Variants in TENM1 observed in about 807,000 individuals in gnomAD.
TENM1 encodes the protein teneurin transmembrane protein 1, also known as teneurin-1.
A neutral mutation model predicts 174.8 loss-of-function variants in TENM1; 35 were observed. The observed-to-expected ratio is 0.20, with a 90% CI of 0.15 to 0.27. The LOEUF is 0.27. TENM1 is among the 10% of genes least tolerant of loss of function. The pLI is 1.00. For missense variants in TENM1, 1,633 were observed against 2,130.1 expected (o/e 0.77, Z 4.59); for synonymous variants, 781 against 798.7 (o/e 0.98, Z 0.37).
At chrX:124,582,334 A>G (rs1489854178) in intron 11 of TENM1, among the ~76,000 whole-genome samples, 2 of 111,424 alleles carry the variant, frequency 1.8e-5, no homozygotes, top group African/African-American at 3.3e-5. Context: ...TCCTTGTTCA[A>G]TTGAATCAAT....
At chrX:124,859,006 C>G (rs573865997) in intron 3 of TENM1, among the ~76,000 whole-genome samples, 2 of 111,490 alleles carry the variant, frequency 1.8e-5, no homozygotes, top group South Asian at 7.5e-4. Flanking sequence ...ATTCCTTCCT[C>G]TTCTGAGTCA....
intron 21 of TENM1, among the ~76,000 whole-genome samples, chrX:124,486,745 T>A (rs12006963): frequency 9.0e-6 from 1 of 111,560 alleles, no homozygotes; most frequent in African/African-American, 3.3e-5. Context: ...TGAGGTCACA[T>A]AAAAGAAAAA....
At chrX:124,896,578 T>C (rs909823067) in intron 1 of TENM1, among the ~76,000 whole-genome samples, 2 of 111,687 alleles carry the variant, frequency 1.8e-5, no homozygotes, top group African/African-American at 3.3e-5. Flanking sequence ...AAGATATTTC[T>C]TTTCTAGGAA....
chrX:125,140,607 G>A, the TENM1 span, among the ~76,000 whole-genome samples: 1 of 111,945 alleles, frequency 8.9e-6, no homozygotes, highest in African/African-American at 3.2e-5. Flanking sequence ...GTCTTGAAGT[G>A]TTCCTAACAC....
chrX:124,896,008 G>T, exon 2 of TENM1: 1 of 1,211,187 alleles, frequency 8.3e-7, no homozygotes, highest in Non-Finnish European at 1.1e-6. Flanking sequence ...TTCCTTTCAT[G>T]GTCAGTGTCA....
intron 3 of TENM1, among the ~76,000 whole-genome samples, chrX:124,761,511 G>C (rs2054414443): frequency 1.1e-5 from 1 of 89,607 alleles, no homozygotes; most frequent in African/African-American, 4.2e-5. Flanking sequence ...ATTGGACACA[G>C]AGCGGGGAAC....
intron 3 of TENM1, among the ~76,000 whole-genome samples, chrX:124,880,376 C>T (rs1329736911): frequency 1.8e-5 from 2 of 112,258 alleles, no homozygotes; most frequent in African/African-American, 6.5e-5. Flanking sequence ...CAAACTGATT[C>T]TGTATCCTGC....
intron 22 of TENM1, among the ~76,000 whole-genome samples, chrX:124,463,627 T>C (rs2061204534): frequency 9.0e-6 from 1 of 111,231 alleles, no homozygotes; most frequent in African/African-American, 3.3e-5. Flanking sequence ...GGGGAAATAC[T>C]ACACTATTAA....
chrX:124,511,799 T>C (rs910332768), intron 18 of TENM1, among the ~76,000 whole-genome samples: 12 of 112,121 alleles, frequency 1.1e-4, no homozygotes, highest in African/African-American at 3.2e-4. Flanking sequence ...AGCATCGTTC[T>C]CAGGAATGTT....
intron 3 of TENM1, among the ~76,000 whole-genome samples, chrX:124,893,255 G>A (rs996286152): frequency 8.9e-6 from 1 of 112,283 alleles, no homozygotes; most frequent in Non-Finnish European, 1.9e-5. Flanking sequence ...GGGAAAAGTT[G>A]TTCAAGTTTA....
At chrX:124,395,296 C>G (rs1341747916) in intron 27 of TENM1, among the ~76,000 whole-genome samples, 3 of 111,371 alleles carry the variant, frequency 2.7e-5, no homozygotes, top group Non-Finnish European at 5.6e-5. Context: ...TATAAATTGT[C>G]TGCTCATGAT....
At chrX:125,093,259 C>T in the TENM1 span, among the ~76,000 whole-genome samples, 2 of 111,423 alleles carry the variant, frequency 1.8e-5, no homozygotes, top group Non-Finnish European at 3.8e-5. Context: ...CAAAACATAG[C>T]GGCATGGGTC....
At chrX:124,689,745 G>A (rs190983549) in intron 5 of TENM1, among the ~76,000 whole-genome samples, 9 of 110,574 alleles carry the variant, frequency 8.1e-5, no homozygotes, top group South Asian at 3.9e-4. Flanking sequence ...ATGAAACCAC[G>A]GATAGTACCA....
At chrX:124,697,248 C>T (rs1326049813) in intron 5 of TENM1, among the ~76,000 whole-genome samples, 1 of 111,148 alleles carries the variant, frequency 9.0e-6, no homozygotes, top group Non-Finnish European at 1.9e-5. Flanking sequence ...ACTGGCAACG[C>T]TTTGATGAGG....
chrX:125,050,397 T>C, the TENM1 span, among the ~76,000 whole-genome samples: 1 of 108,256 alleles, frequency 9.2e-6, no homozygotes, highest in Non-Finnish European at 1.9e-5. Context: ...TACCTATGAG[T>C]GAGAACATGT....
At chrX:124,402,255 G>T (rs1374640872) in intron 27 of TENM1, among the ~76,000 whole-genome samples, 2 of 112,094 alleles carry the variant, frequency 1.8e-5, no homozygotes, top group Non-Finnish European at 3.8e-5. Context: ...ATATGTAAAT[G>T]ATTGTTATTG....
chrX:125,121,068 C>CA, the TENM1 span, among the ~76,000 whole-genome samples: 1 of 111,519 alleles, frequency 9.0e-6, no homozygotes, highest in Non-Finnish European at 1.9e-5. Context: ...CATGATTTAG[C>CA]AATATCAAGA....
intron 13 of TENM1, among the ~76,000 whole-genome samples, chrX:124,562,080 A>C (rs1036776748): frequency 8.9e-6 from 1 of 112,204 alleles, no homozygotes; most frequent in Non-Finnish European, 1.9e-5. Context: ...TATAGGAAGA[A>C]AACTATGGCA....
intron 21 of TENM1, 49 bp from the exon 25 acceptor site, chrX:124,482,013 C>A (rs367994000): frequency 1.2e-6 from 1 of 838,770 alleles, no homozygotes; most frequent in Admixed American, 2.6e-5. Flanking sequence ...TCAACACGAA[C>A]CCCCTGGGCT....
Sources: allele counts gnomAD v4.1 joint callset (sites outside exome capture counted in the v4.1 genomes callset), GRCh38; gene constraint gnomAD v4.1.1; transcripts MANE v1.5; gene names NCBI Gene and HGNC (gene_info 2026-07-23, HGNC 2026-07-21).